TMEM47: variants seen among roughly 807,000 people sequenced by gnomAD.
TMEM47 encodes the protein transmembrane protein 47, also known as brain cell membrane protein 1.
In TMEM47, 3 loss-of-function variants were observed where a neutral mutation model predicts 12.4. That is an observed-to-expected ratio of 0.24 (90% CI 0.11 to 0.63). TMEM47 has a LOEUF of 0.63. TMEM47 is among the 20% of genes least tolerant of loss of function. The pLI is 0.86. For synonymous variants in TMEM47, 62 were observed against 63.3 expected (o/e 0.98, Z 0.10); for missense variants, 89 against 143.8 (o/e 0.62, Z 1.95).
intron 2 of TMEM47, among the ~76,000 whole-genome samples, chrX:34,637,867 A>T (rs1173189511): frequency 2.8e-5 from 3 of 109,036 alleles, no homozygotes; most frequent in Non-Finnish European, 5.7e-5. Context: ...TACTTTTATT[A>T]TTTTTTTTTC....
At position 34,657,253 on chromosome X, in the gene TMEM47, C is replaced by A; in HGVS notation, c.-224G>T. ...AGCCGCAGCGACGTCGATTCCACCC[C>A]GGACCTTCGCCGCCGGCCCCGCGCC... On this transcript the variant is annotated 5_prime_UTR_variant, in exon 1 of 3. Coordinates refer to ENST00000275954, the MANE Select transcript of TMEM47 (RefSeq NM_031442.4). The A allele has an allele frequency of 5.2e-6, 2 of 388,067 alleles. No homozygotes were observed. The highest frequency in any genetic ancestry group is 3.7e-6 in the Non-Finnish European group (1 of 272,063). 32.0% of individuals were successfully genotyped at this position (388,067 alleles called of 1,213,427 possible). A position where few individuals can be genotyped will look rare whatever the true frequency, so the allele number is the denominator to read the frequency against.
chrX:34,639,268 C>T lies in TMEM47; in HGVS notation c.346G>A (p.Ala116Thr). 1 of 1,195,904 alleles carries T rather than the reference C, an allele frequency of 8.4e-7. No homozygotes were observed. The highest frequency in any genetic ancestry group is 1.1e-6 in the Non-Finnish European group (1 of 887,169). ...TTACCTGCTGCAAAAAGCATGACCG[C>T]AACAGGTCTATAGAAACGCCTTCGA... ...GSRRRFYRPVAVMLFAAVVLQ... is the reference protein window; with the variant it reads ...GSRRRFYRPVTVMLFAAVVLQ... The change falls in exon 2 of 3, where the codon GCG (alanine) becomes ACG (threonine). Residue 116 changes from alanine to threonine, a missense_variant. Physicochemically the swap from Ala to Thr is moderately conservative, Grantham distance 58. Coordinates refer to ENST00000275954, the MANE Select transcript of TMEM47 (RefSeq NM_031442.4).
In TMEM47 at chrX:34,647,191, A is replaced by G. The variant is rs1185135914; in HGVS notation, c.227-7804T>C. 2.7e-5 allele frequency among the ~76,000 whole-genome samples: 3 copies of G among 111,735 alleles called. 1 individual carries two copies. On this transcript the variant is annotated intron_variant, in intron 1 of 2. Transcript: ENST00000275954. Reference sequence around the variant, plus strand: ...AGAATAGATTCTAGGCTTCATTCACAGAGCATCATGACAGCATTCTGGTGA... The same window carrying G: ...AGAATAGATTCTAGGCTTCATTCACGGAGCATCATGACAGCATTCTGGTGA...
At chrX:34,631,710 G>A (rs757043340) in intron 2 of TMEM47, among the ~76,000 whole-genome samples, 1 of 111,366 alleles carries the variant, frequency 9.0e-6, no homozygotes, top group African/African-American at 3.3e-5. Flanking sequence ...GGAAGGGAAT[G>A]TTTATTTTGT....
chrX:34,633,975 T>C (rs903747365), intron 2 of TMEM47, among the ~76,000 whole-genome samples: 5 of 111,509 alleles, frequency 4.5e-5, no homozygotes, highest in Non-Finnish European at 9.4e-5. Context: ...AAAAATATAA[T>C]TCTGCATTTG....
In TMEM47 at chrX:34,630,184, A is replaced by C; in HGVS notation, c.*129T>G. 1.4e-6 allele frequency: 1 copy of C among 697,089 alleles called. No individual in the cohort carries two copies. Among genetic ancestry groups the C allele is most frequent in the Non-Finnish European group, 2.0e-6 (1 of 494,037 alleles). The allele number at this position is 697,089 out of a possible 1,213,427, so 57.4% of individuals were successfully genotyped here. On this transcript the variant is annotated 3_prime_UTR_variant, in exon 3 of 3. Coordinates refer to ENST00000275954, the MANE Select transcript of TMEM47 (RefSeq NM_031442.4). The stretch of plus-strand genomic sequence containing the variant: ...TGATGTTGACAGCCAAAAGGCAAAA[A>C]AGATTAAATCAACTGAGCAAACTGC...
chrX:34,642,465 A>C (rs1921835785), intron 1 of TMEM47, among the ~76,000 whole-genome samples: 2 of 112,175 alleles, frequency 1.8e-5, no homozygotes, highest in Non-Finnish European at 3.8e-5. Context: ...CTATAGTAGA[A>C]AGCACCAGGA....
intron 1 of TMEM47, 51 bp from the exon 2 acceptor site, chrX:34,639,438 A>G: frequency 8.8e-7 from 1 of 1,139,850 alleles, no homozygotes; most frequent in Non-Finnish European, 1.2e-6. Flanking sequence ...CAAAGAATCA[A>G]CAGAACTATG....
chrX:34,633,141 A>AC (rs1555921594), intron 2 of TMEM47, among the ~76,000 whole-genome samples: 2 of 110,901 alleles, frequency 1.8e-5, no homozygotes, highest in Non-Finnish European at 3.8e-5. Flanking sequence ...TTAAGGCATT[A>AC]TGCTATCAAA....
chrX:34,637,120 A>G (rs1819009059), intron 2 of TMEM47, among the ~76,000 whole-genome samples: 2 of 111,984 alleles, frequency 1.8e-5, no homozygotes, highest in Non-Finnish European at 3.8e-5. Context: ...AGCACGTGGC[A>G]CATGACAGGT....
At chrX:34,654,485 G>C (rs1922070473) in intron 1 of TMEM47, among the ~76,000 whole-genome samples, 1 of 111,957 alleles carries the variant, frequency 8.9e-6, no homozygotes, top group African/African-American at 3.2e-5. Flanking sequence ...AAAGCTGCTT[G>C]CCCTTTGGAA....
At chrX:34,637,870 T>A (rs996110175) in intron 2 of TMEM47, among the ~76,000 whole-genome samples, 12 of 110,906 alleles carry the variant, frequency 1.1e-4, no homozygotes, top group East Asian at 2.8e-4. Context: ...TTTTATTATT[T>A]TTTTTTCCTT....
At chrX:34,650,487 G>A (rs890475344) in intron 1 of TMEM47, among the ~76,000 whole-genome samples, 7 of 111,475 alleles carry the variant, frequency 6.3e-5, no homozygotes, top group Non-Finnish European at 1.1e-4. Flanking sequence ...TATTAAACAC[G>A]TTACAACTCT....
At chrX:34,647,142 C>G (rs141203300) in intron 1 of TMEM47, among the ~76,000 whole-genome samples, 248 of 110,884 alleles carry the variant, frequency 2.2e-3, no homozygotes, top group Middle Eastern at 4.6e-3. Flanking sequence ...AATGTACCCC[C>G]CTTTAAGTTA....
chrX:34,641,763 T>C (rs1349877933), intron 1 of TMEM47, among the ~76,000 whole-genome samples: 3 of 112,657 alleles, frequency 2.7e-5, no homozygotes, highest in African/African-American at 9.7e-5. Context: ...GGATTTATGA[T>C]TTATGGTCTC....
chrX:34,640,120 T>C (rs1921789441), intron 1 of TMEM47, among the ~76,000 whole-genome samples: 1 of 111,964 alleles, frequency 8.9e-6, no homozygotes, highest in Non-Finnish European at 1.9e-5. Context: ...ATCAGGAATA[T>C]TGTTTGTTTT....
rs149482983 is a variant in TMEM47, at chrX:34,639,874, G to A, written c.227-487C>T. The stretch of plus-strand genomic sequence containing the variant: ...ATGACCCTCCCACCTGGGCTACTGA[G>A]GACATCCGTCACCACAGATTGAGTT... On this transcript the variant is annotated intron_variant, in intron 1 of 2. Coordinates refer to ENST00000275954, the MANE Select transcript of TMEM47 (RefSeq NM_031442.4). 8.2e-3 allele frequency among the ~76,000 whole-genome samples: 918 copies of A among 111,330 alleles called. 4 individuals carry two copies. Among genetic ancestry groups the A allele is most frequent in the African/African-American group, 0.029 (885 of 30,613 alleles).
chrX:34,640,471 T>A (rs1921795952), intron 1 of TMEM47, among the ~76,000 whole-genome samples: 1 of 111,979 alleles, frequency 8.9e-6, no homozygotes, highest in Non-Finnish European at 1.9e-5. Context: ...AGAGACAAAG[T>A]GAATCTATGA....
At chrX:34,643,394 C>T (rs1921852033) in intron 1 of TMEM47, among the ~76,000 whole-genome samples, 1 of 110,709 alleles carries the variant, frequency 9.0e-6, no homozygotes, top group African/African-American at 3.3e-5. Flanking sequence ...TTGTTCTACC[C>T]TGACTTTTCC....
Sources: gnomAD v4.1 joint callset for allele counts (sites outside exome capture counted in the v4.1 genomes callset) on GRCh38, gnomAD v4.1.1 for gene constraint, MANE v1.5 for transcripts, NCBI Gene and HGNC (gene_info 2026-07-23, HGNC 2026-07-21) for gene names.